Variants in XPO1 observed in about 807,000 individuals in gnomAD.
The protein encoded by XPO1 is exportin-1.
A neutral mutation model predicts 133.3 loss-of-function variants in XPO1; 5 were observed. The ratio of observed to expected loss-of-function variants is 0.04; its 90% CI spans 0.02 to 0.08. The LOEUF (loss-of-function observed/expected upper bound fraction) is 0.08, where lower values mean the gene tolerates loss of function less well. Ranked by LOEUF, XPO1 falls within the 10% of genes least tolerant of loss-of-function variation. XPO1 has a pLI of 1.00. For missense variants in XPO1, 506 were observed against 1,267.5 expected (o/e 0.40, Z 9.12); for synonymous variants, 419 against 408.2 (o/e 1.03, Z -0.32).
intron 19 of XPO1, among the ~76,000 whole-genome samples, chr2:61,487,182 G>A (rs1232320693): frequency 6.6e-6 from 1 of 151,840 alleles, no homozygotes; most frequent in East Asian, 1.9e-4. Flanking sequence ...GAAAAGCCAA[G>A]ACAAGGAAAA....
chr2:61,515,235 A>G (rs1232977463), intron 4 of XPO1, among the ~76,000 whole-genome samples: 1 of 152,218 alleles, frequency 6.6e-6, no homozygotes, highest in Non-Finnish European at 1.5e-5. Context: ...GATAAAACTT[A>G]TCCAACTGTA....
In XPO1 at chr2:61,498,926, A is replaced by AT; in HGVS notation, c.591-14_591-13insA. The AT allele has an allele frequency of 6.4e-7, 1 of 1,567,632 alleles. No homozygotes were observed. The highest frequency in any genetic ancestry group is 8.6e-7 in the Non-Finnish European group (1 of 1,159,150). On this transcript the variant is annotated splice_polypyrimidine_tract_variant and intron_variant, in intron 7 of 24. Transcript: ENST00000401558. ...TTCATTGCACATGCTAAAAAAAAAA[A>AT]CACACAAAAATATCAGATTTAGAAG...
Position 61,493,057 on chromosome 2 carries a change from T to A in XPO1, c.1246-4A>T. The A allele has an allele frequency of 6.3e-7, 1 of 1,578,660 alleles. No individual in the cohort carries two copies. The highest frequency in any genetic ancestry group is 8.5e-7 in the Non-Finnish European group (1 of 1,170,858). On this transcript the variant is annotated splice_polypyrimidine_tract_variant and splice_region_variant and intron_variant, in intron 12 of 24. Transcript: ENST00000401558. ...GACTAACCATTAATAAACGGACCTA[T>A]ACTCAACAATATATCAATCAAGAAA...
At position 61,492,140 on chromosome 2, in the gene XPO1, T is replaced by C. The variant is rs3816341; in HGVS notation, c.1782A>G (p.Lys594=). 22,491 of 1,614,152 alleles carry C rather than the reference T, an allele frequency of 0.014. 247 individuals carry two copies. The highest frequency in any genetic ancestry group is 0.047 in the East Asian group (2,096 of 44,876). Residue 594 remains lysine, a synonymous_variant, in exon 16 of 25, where the codon AAA becomes AAG. Transcript: ENST00000401558. The surrounding 1 kb of genome is among the most constrained non-coding windows in gnomAD (Gnocchi z 5.6). The part of the protein sequence containing the change: ...ACDTFIKIAQ[K]CRRHFVQVQV... ...GAACCTGAACGAAATGCCTGCGGCA[T>C]TTTTGGGCTATTTTAATGAAAGTAT...
chr2:61,534,185 T>A (rs937145791), intron 1 of XPO1: 2 of 228,038 alleles, frequency 8.8e-6, no homozygotes, highest in African/African-American at 4.5e-5. Context: ...TAAAGTATGC[T>A]AACCTATTAT....
At chr2:61,514,068 T>A (rs559747157) in intron 4 of XPO1, among the ~76,000 whole-genome samples, 1 of 151,858 alleles carries the variant, frequency 6.6e-6, no homozygotes, top group South Asian at 2.1e-4. Context: ...ATACCTGTAA[T>A]CCCAGCTACT....
Position 61,478,792 on chromosome 2 carries a change from G to T in XPO1, c.*28C>A. On this transcript the variant is annotated 3_prime_UTR_variant, in exon 25 of 25. Coordinates refer to ENST00000401558, the MANE Select transcript of XPO1 (RefSeq NM_003400.4). ...TGTTTTCCTCTGCTAACGAGTTGCAGAGAAAAAAAACAGCATGAATTTGGA... is the reference window on the plus strand; with the variant it reads ...TGTTTTCCTCTGCTAACGAGTTGCATAGAAAAAAAACAGCATGAATTTGGA... 6.2e-7 allele frequency: 1 copy of T among 1,608,224 alleles called. No homozygotes were observed. The highest frequency in any genetic ancestry group is 8.5e-7 in the Non-Finnish European group (1 of 1,176,998).
At chr2:61,527,347 A>G (rs1039903458) in intron 2 of XPO1, among the ~76,000 whole-genome samples, 1 of 146,814 alleles carries the variant, frequency 6.8e-6, no homozygotes, top group African/African-American at 2.5e-5. Flanking sequence ...AGAAAGCTGC[A>G]CATGGTGGCT....
chr2:61,513,915 G>A (rs957741758), intron 4 of XPO1, among the ~76,000 whole-genome samples: 16 of 152,076 alleles, frequency 1.1e-4, no homozygotes, highest in Non-Finnish European at 2.2e-4. Flanking sequence ...GGCATGGTGG[G>A]CTTACACGCC....
rs1157605311 is a variant in XPO1, at chr2:61,492,531, T to C, written c.1566+36A>G. 1.3e-6 allele frequency: 2 copies of C among 1,595,208 alleles called. No homozygotes were observed. The highest frequency in any genetic ancestry group is 2.7e-5 in the African/African-American group (2 of 73,952). ...ATTTATTGTAACAACATAATACTTATTTAGCAATTCTAATTCATACCTATC... is the reference window on the plus strand; with the variant it reads ...ATTTATTGTAACAACATAATACTTACTTAGCAATTCTAATTCATACCTATC... On this transcript the variant is annotated intron_variant, in intron 14 of 24. Coordinates refer to ENST00000401558, the MANE Select transcript of XPO1 (RefSeq NM_003400.4). This position sits in a 1 kb window ranked among gnomAD's most constrained non-coding sequence, Gnocchi z 5.6.
rs931325416 is a variant in XPO1 at position 61,538,182 on chromosome 2, C to T, written c.-627G>A. 1.8e-5 allele frequency: 4 copies of T among 222,066 alleles called. No individual in the cohort carries two copies. Among genetic ancestry groups the T allele is most frequent in the Non-Finnish European group, 2.7e-5 (3 of 111,870 alleles). 13.8% of individuals were successfully genotyped at this position (222,066 alleles called of 1,614,324 possible). A position where few individuals can be genotyped will look rare whatever the true frequency, so the allele number is the denominator to read the frequency against. On this transcript the variant is annotated 5_prime_UTR_variant, in exon 1 of 25. Transcript: ENST00000401558. ...ACAGGCACCGCCGCCGGGGCTGTAGCTACTGTTGCTCTTGCTGATGCTGTA... is the reference window on the plus strand; with the variant it reads ...ACAGGCACCGCCGCCGGGGCTGTAGTTACTGTTGCTCTTGCTGATGCTGTA...
At chr2:61,516,863 T>G (rs1403619376) in intron 4 of XPO1, among the ~76,000 whole-genome samples, 1 of 149,138 alleles carries the variant, frequency 6.7e-6, no homozygotes, top group Non-Finnish European at 1.5e-5. Context: ...GGCTTCCTCT[T>G]TTTTTTTATT....
At chr2:61,534,838 T>G (rs923517968) in intron 1 of XPO1, among the ~76,000 whole-genome samples, 14 of 151,354 alleles carry the variant, frequency 9.2e-5, no homozygotes, top group African/African-American at 3.4e-4. Flanking sequence ...GCTTCTACAC[T>G]CAAACCATTC....
rs542362776 is a variant in XPO1, at chr2:61,481,354, G to A, written c.2973-73C>T. On this transcript the variant is annotated intron_variant, in intron 23 of 24. Transcript: ENST00000401558. ...AGACAGAGTATTGCTCTGTCACCAGGCTGGAGTACAGTGGCATGATCTCTG... is the reference window on the plus strand; with the variant it reads ...AGACAGAGTATTGCTCTGTCACCAGACTGGAGTACAGTGGCATGATCTCTG... The A allele has an allele frequency of 2.7e-5, 31 of 1,168,122 alleles. No individual in the cohort carries two copies. In the African/African-American group the frequency reaches 2.8e-4, roughly 11 times the overall value. The allele number at this position is 1,168,122 out of a possible 1,614,324, so 72.4% of individuals were successfully genotyped here. A position where few individuals can be genotyped will look rare whatever the true frequency, so the allele number is the denominator to read the frequency against.
chr2:61,490,592 C>T (rs369902008), intron 17 of XPO1, 50 bp downstream of exon 17: 26 of 1,610,208 alleles, frequency 1.6e-5, no homozygotes, highest in African/African-American at 2.7e-5. Context: ...GTAAAGAACA[C>T]GTCTTGTTAA....
chr2:61,478,753 A>T lies in XPO1; in HGVS notation c.*67T>A. ...ACAAATTGGCATCATTTTGGTCGAC[A>T]AATACCCACATGCTGTTTTCCTCTG... is the stretch of plus-strand genomic sequence containing the variant. On this transcript the variant is annotated 3_prime_UTR_variant, in exon 25 of 25. Transcript: ENST00000401558. 6.5e-7 allele frequency: 1 copy of T among 1,545,704 alleles called. No individual in the cohort carries two copies. The highest frequency in any genetic ancestry group is 8.8e-7 in the Non-Finnish European group (1 of 1,141,546).
At chr2:61,494,273 A>G in intron 11 of XPO1, 182 bp from the exon 12 acceptor site, 2 of 544,300 alleles carry the variant, frequency 3.7e-6, no homozygotes, top group Non-Finnish European at 6.4e-6. Context: ...GACATGCCCT[A>G]AAGCACTTCA....
intron 2 of XPO1, among the ~76,000 whole-genome samples, chr2:61,533,231 T>C (rs750676877): frequency 6.6e-6 from 1 of 152,200 alleles, no homozygotes; most frequent in Non-Finnish European, 1.5e-5. Flanking sequence ...TTGTGACATA[T>C]ACAATTTAAA....
chr2:61,533,741 A>C (rs763844838), intron 2 of XPO1, 31 bp downstream of exon 2: 14 of 1,545,310 alleles, frequency 9.1e-6, no homozygotes, highest in Non-Finnish European at 1.2e-5. Context: ...ACACTGTCAT[A>C]ATGTTATAAA....
Sources: allele counts gnomAD v4.1 joint callset (sites outside exome capture counted in the v4.1 genomes callset), GRCh38; gene constraint gnomAD v4.1.1; non-coding constraint Gnocchi (gnomAD v3.1); transcripts MANE v1.5; gene names NCBI Gene and HGNC (gene_info 2026-07-23, HGNC 2026-07-21).